The following NDUFA12 variants were observed in gnomAD, a reference collection of about 807,000 sequenced individuals.
The protein encoded by NDUFA12 is NADH:ubiquinone oxidoreductase subunit A12, also known as NADH dehydrogenase [ubiquinone] 1 alpha subcomplex subunit 12.
A neutral mutation model predicts 20.3 loss-of-function variants in NDUFA12; 17 were observed. The ratio of observed to expected loss-of-function variants is 0.84; its 90% CI spans 0.57 to 1.26. NDUFA12 has a LOEUF of 1.26. Among genes scored for constraint, NDUFA12 ranks in the 50% most tolerant of loss-of-function variants. NDUFA12 has a pLI of 0.00. For synonymous variants in NDUFA12, 72 were observed against 63.6 expected (o/e 1.13, Z -0.63); for missense variants, 191 against 183.7 (o/e 1.04, Z -0.23).
At chr12:94,971,949 G>A (rs1447903938) in intron 3 of NDUFA12, 2 of 418,502 alleles carry the variant, frequency 4.8e-6, no homozygotes, top group Non-Finnish European at 9.0e-6. Flanking sequence ...TGGAGACAGG[G>A]TCTCACTCTG....
intron 3 of NDUFA12, among the ~76,000 whole-genome samples, chr12:94,992,854 G>A (rs1874690068): frequency 6.6e-6 from 1 of 152,100 alleles, no homozygotes; most frequent in South Asian, 2.1e-4. Flanking sequence ...GCAGAGACTA[G>A]CCACCCTCGT....
At chr12:95,002,622 G>A in intron 2 of NDUFA12, 117 bp downstream of exon 2, 1 of 749,010 alleles carries the variant, frequency 1.3e-6, no homozygotes, top group Non-Finnish European at 2.3e-6. Context: ...ATTTTCTATT[G>A]AGTTTTTCAT....
intron 3 of NDUFA12, among the ~76,000 whole-genome samples, chr12:94,993,512 C>G (rs549477822): frequency 6.7e-6 from 1 of 148,288 alleles, no homozygotes; most frequent in Non-Finnish European, 1.5e-5. Flanking sequence ...GTAGTCCCAG[C>G]TACTCGGGAG....
At chr12:94,982,275 CTTTTTTTT>C (rs201781364) in intron 3 of NDUFA12, among the ~76,000 whole-genome samples, 1 of 135,662 alleles carries the variant, frequency 7.4e-6, no homozygotes, top group Non-Finnish European at 1.6e-5. Flanking sequence ...TTTTTCTTTT[CTTTTTTTT>C]TTTTTTTTTT....
chr12:94,995,555 A>G (rs572562494), intron 2 of NDUFA12, among the ~76,000 whole-genome samples: 1 of 152,236 alleles, frequency 6.6e-6, no homozygotes, highest in East Asian at 1.9e-4. Flanking sequence ...TTGGAGACGG[A>G]GTCTCGCTCT....
intron 3 of NDUFA12, among the ~76,000 whole-genome samples, chr12:94,977,520 G>A (rs972593835): frequency 6.6e-6 from 1 of 150,842 alleles, no homozygotes; most frequent in Non-Finnish European, 1.5e-5. Context: ...CCACAAAACT[G>A]TAACAAATGA....
chr12:94,991,109 C>A (rs769767736), intron 3 of NDUFA12, among the ~76,000 whole-genome samples: 3 of 151,900 alleles, frequency 2.0e-5, no homozygotes, highest in Non-Finnish European at 4.4e-5. Context: ...CATGGCGAAA[C>A]CTCATCTGTA....
At chr12:94,992,022 A>G (rs181251044) in intron 3 of NDUFA12, among the ~76,000 whole-genome samples, 155 of 152,342 alleles carry the variant, frequency 1.0e-3, no homozygotes, top group Middle Eastern at 6.8e-3. Context: ...TCTACTGAAG[A>G]CAGCCCAAAA....
intron 3 of NDUFA12, among the ~76,000 whole-genome samples, chr12:94,992,638 T>C (rs755205044): frequency 1.5e-4 from 23 of 152,274 alleles, no homozygotes; most frequent in Middle Eastern, 3.4e-3. Flanking sequence ...GATAAGGCAA[T>C]ATGGTTCCTG....
At chr12:94,975,361 A>AT (rs1398611437) in intron 3 of NDUFA12, among the ~76,000 whole-genome samples, 2 of 152,248 alleles carry the variant, frequency 1.3e-5, no homozygotes, top group African/African-American at 4.8e-5. Flanking sequence ...GTGGCAAACA[A>AT]TGAAGTTTAA....
intron 3 of NDUFA12, among the ~76,000 whole-genome samples, chr12:94,983,231 C>G (rs1206574562): frequency 1.3e-5 from 2 of 152,152 alleles, no homozygotes; most frequent in Non-Finnish European, 2.9e-5. Flanking sequence ...TTGGCACCCT[C>G]TAAGAGGGCC....
In NDUFA12 at chr12:95,003,689, G is replaced by A; in HGVS notation, c.-9C>T. ...ACCTGCACTAACTCCATCTTGCCTC[G>A]CTGGCCCCGCCTCCCGGGTGCGCCG... On this transcript the variant is annotated 5_prime_UTR_variant, in exon 1 of 4. Coordinates refer to ENST00000327772, the MANE Select transcript of NDUFA12 (RefSeq NM_018838.5). 1 of 1,613,938 alleles carries A rather than the reference G, an allele frequency of 6.2e-7. No homozygotes were observed. Among genetic ancestry groups the A allele is most frequent in the Non-Finnish European group, 8.5e-7 (1 of 1,179,984 alleles).
intron 1 of NDUFA12, 114 bp from the exon 2 acceptor site, chr12:95,002,935 C>A: frequency 1.2e-6 from 1 of 863,546 alleles, no homozygotes; most frequent in Non-Finnish European, 2.0e-6. Flanking sequence ...CATCAACTAG[C>A]AAAATGAAGA....
intron 2 of NDUFA12, among the ~76,000 whole-genome samples, chr12:95,001,959 T>C (rs1014112373): frequency 2.0e-5 from 3 of 151,732 alleles, no homozygotes; most frequent in African/African-American, 2.4e-5. Flanking sequence ...CGCCTCCGCC[T>C]CCCAAAGTGC....
At chr12:94,986,352 T>C (rs1308205159) in intron 3 of NDUFA12, among the ~76,000 whole-genome samples, 4 of 152,036 alleles carry the variant, frequency 2.6e-5, no homozygotes, top group Non-Finnish European at 5.9e-5. Context: ...AAATTTCAGT[T>C]AGGAGGACTA....
chr12:94,981,538 T>A (rs1874240272), intron 3 of NDUFA12, among the ~76,000 whole-genome samples: 1 of 152,154 alleles, frequency 6.6e-6, no homozygotes, highest in Non-Finnish European at 1.5e-5. Flanking sequence ...GAAGAAGAAA[T>A]TAATATCTTG....
intron 3 of NDUFA12, among the ~76,000 whole-genome samples, chr12:94,989,387 T>C (rs1408367022): frequency 6.6e-6 from 1 of 152,248 alleles, no homozygotes; most frequent in African/African-American, 2.4e-5. Context: ...AATTACTCTC[T>C]ACACGTGATA....
intron 3 of NDUFA12, among the ~76,000 whole-genome samples, chr12:94,974,344 T>C (rs559082756): frequency 9.7e-4 from 147 of 152,116 alleles, no homozygotes; most frequent in Non-Finnish European, 1.9e-3. Flanking sequence ...AGACAGGCAA[T>C]AATAAATGCT....
Position 94,986,924 on chromosome 12 carries a change from G to T in NDUFA12, c.257+7246C>A, listed in dbSNP as rs182058206. On this transcript the variant is annotated intron_variant, in intron 3 of 3. Transcript: ENST00000327772. ...CAATAAAAGAACCATTTAAAGCAATGGATTATAACCCATTGATTAAAATAG... is the reference window on the plus strand; with the variant it reads ...CAATAAAAGAACCATTTAAAGCAATTGATTATAACCCATTGATTAAAATAG... Among the ~76,000 whole-genome samples, 532 of 152,104 alleles carry T rather than the reference G, an allele frequency of 3.5e-3. 1 individual carries two copies. Among genetic ancestry groups the T allele is most frequent in the Admixed American group, 6.2e-3 (95 of 15,274 alleles).
Sources: allele counts gnomAD v4.1 joint callset (sites outside exome capture counted in the v4.1 genomes callset), GRCh38; gene constraint gnomAD v4.1.1; transcripts MANE v1.5; gene names NCBI Gene and HGNC (gene_info 2026-07-23, HGNC 2026-07-21).